The following RRP12 variants were observed in gnomAD, a reference collection of about 807,000 sequenced individuals.
RRP12 encodes the protein RRP12-like protein.
Under a neutral mutation model 157.3 loss-of-function variants are expected in RRP12, and 78 were observed. That is an observed-to-expected ratio of 0.50 (90% confidence interval 0.41 to 0.60). The LOEUF is 0.60. RRP12 is among the 20% of genes least tolerant of loss of function. The pLI is 0.00. For missense variants in RRP12, 1,521 were observed against 1,679.9 expected (o/e 0.91, Z 1.65); for synonymous variants, 726 against 670.9 (o/e 1.08, Z -1.27).
At chr10:97,387,303 C>T (rs1345524543) in intron 8 of RRP12, among the ~76,000 whole-genome samples, 8 of 149,618 alleles carry the variant, frequency 5.3e-5, no homozygotes, top group African/African-American at 2.0e-4. Flanking sequence ...TGAATATTTT[C>T]TTTTCTTTTT....
chr10:97,398,006 C>T (rs11817711), intron 2 of RRP12, among the ~76,000 whole-genome samples: 6,169 of 45,626 alleles, frequency 0.14, 218 homozygotes, highest in Middle Eastern at 0.17. Context: ...TATATATATA[C>T]ATATATATAT....
intron 6 of RRP12, 67 bp downstream of exon 6, chr10:97,390,356 C>T: frequency 8.0e-7 from 1 of 1,243,986 alleles, no homozygotes; most frequent in Admixed American, 1.7e-5. Flanking sequence ...CTAGCCAAGT[C>T]TGGGCTGCAC....
chr10:97,384,369 C>G (rs571255380), intron 10 of RRP12, among the ~76,000 whole-genome samples: 244 of 135,364 alleles, frequency 1.8e-3, no homozygotes, highest in African/African-American at 6.5e-3. Flanking sequence ...GAGGACCCCC[C>G]ACCTTGGCAG....
At chr10:97,366,704 G>C (rs759419398) in intron 27 of RRP12, 38 bp downstream of exon 27, 1 of 1,603,312 alleles carries the variant, frequency 6.2e-7, no homozygotes, top group Non-Finnish European at 8.5e-7. Flanking sequence ...CCTTGGGTTG[G>C]GGGGACACCG....
At chr10:97,378,870 T>A (rs914197179) in intron 15 of RRP12, among the ~76,000 whole-genome samples, 1 of 129,626 alleles carries the variant, frequency 7.7e-6, no homozygotes, top group Admixed American at 7.6e-5. Flanking sequence ...AAAATAATAA[T>A]AATAAAATAA....
chr10:97,393,802 C>A, intron 3 of RRP12, 42 bp from the exon 4 acceptor site: 1 of 1,530,662 alleles, frequency 6.5e-7, no homozygotes, highest in Non-Finnish European at 9.0e-7. Flanking sequence ...TAAAAACTTA[C>A]ACTGAGCAAA....
At chr10:97,383,171 T>C (rs1163889539) in intron 10 of RRP12, among the ~76,000 whole-genome samples, 2 of 152,214 alleles carry the variant, frequency 1.3e-5, no homozygotes, top group Non-Finnish European at 2.9e-5. Flanking sequence ...AGTACGATGA[T>C]AAGCATCCCG....
chr10:97,384,081 G>T (rs1040420244), intron 10 of RRP12, among the ~76,000 whole-genome samples: 2 of 152,122 alleles, frequency 1.3e-5, no homozygotes, highest in African/African-American at 2.4e-5. Context: ...TCCACCTCCG[G>T]CAGCCAGGAC....
At chr10:97,366,296 T>A (rs939343513) in intron 28 of RRP12, 63 bp from the exon 29 acceptor site, 1 of 1,592,170 alleles carries the variant, frequency 6.3e-7, no homozygotes. Flanking sequence ...ACCCTCATCA[T>A]GACCAACAAG....
At chr10:97,357,894 G>A (rs933313897) in intron 33 of RRP12, among the ~76,000 whole-genome samples, 2 of 151,130 alleles carry the variant, frequency 1.3e-5, no homozygotes, top group Admixed American at 6.6e-5. Context: ...GGGAGGCAGA[G>A]CTTGCAGTAA....
chr10:97,366,764 G>GCTCCTCCTC lies in RRP12; in HGVS notation c.3184_3192dup (p.Glu1062_Glu1064dup), dbSNP rs28362479. ...CACCTGTCACCTTTGCCCTGGGCGGGCTCCTCCTCCTCCTCCTCCTCTTCT... is the reference window on the plus strand; with the variant it reads ...CACCTGTCACCTTTGCCCTGGGCGGGCTCCTCCTCCTCCTCCTCCTCCTCCTCCTCTTCT... On this transcript the variant is annotated inframe_insertion, in exon 27 of 34. Transcript: ENST00000370992. The GCTCCTCCTC allele has an allele frequency of 2.9e-5, 46 of 1,603,284 alleles. No individual in the cohort carries two copies. In the East Asian group the frequency reaches 5.8e-4, roughly 20 times the overall value.
At chr10:97,367,669 A>G (rs1258016669) in intron 25 of RRP12, among the ~76,000 whole-genome samples, 2 of 152,112 alleles carry the variant, frequency 1.3e-5, no homozygotes, top group African/African-American at 2.4e-5. Context: ...TTTGGGTTAC[A>G]TGTGCAGGTG....
chr10:97,367,279 A>G, intron 25 of RRP12, 147 bp from the exon 26 acceptor site: 1 of 661,648 alleles, frequency 1.5e-6, no homozygotes, highest in South Asian at 1.8e-5. Context: ...ACCCTGGCCC[A>G]GTCATGCTTC....
rs542657520 is a variant in RRP12, at chr10:97,372,739, G to A, written c.2246C>T (p.Thr749Ile). The change falls in exon 19 of 34, where the codon ACC becomes ATC. Residue 749 changes from threonine (T) to isoleucine (I), a missense_variant. Physicochemically the swap from Thr to Ile is moderately conservative, Grantham distance 89 (BLOSUM62 -1). Transcript: ENST00000370992. ...KVLDPASSDFTRLSVLDLVVA... is the reference protein window; with the variant it reads ...KVLDPASSDFIRLSVLDLVVA... ...TGGGAGGCCCTGAGCATGTTACCTG[G>A]TAAAGTCAGAGCTGGCAGGGTCGAG... The A allele has an allele frequency of 6.4e-6, 10 of 1,559,176 alleles. No individual in the cohort carries two copies. The African/African-American group carries it at 9.5e-5, about 15-fold the overall frequency.
chr10:97,379,818 G>A (rs1386839330), intron 13 of RRP12, 48 bp from the exon 14 acceptor site: 1 of 1,550,676 alleles, frequency 6.4e-7, no homozygotes, highest in Non-Finnish European at 8.7e-7. Context: ...TCGAAAGCAG[G>A]GACCCATGAC....
chr10:97,383,460 C>G (rs1394231202), intron 10 of RRP12, among the ~76,000 whole-genome samples: 1 of 152,180 alleles, frequency 6.6e-6, no homozygotes, highest in Admixed American at 6.5e-5. Context: ...CACAGATGAA[C>G]AGTGTTTGGC....
At chr10:97,357,835 T>A (rs905169738) in intron 33 of RRP12, among the ~76,000 whole-genome samples, 1 of 151,860 alleles carries the variant, frequency 6.6e-6, no homozygotes, top group Non-Finnish European at 1.5e-5. Flanking sequence ...GGCGGGTGCC[T>A]GTAGTCCCAG....
At chr10:97,367,202 GC>G in intron 25 of RRP12, 70 bp from the exon 26 acceptor site, 1 of 1,318,606 alleles carries the variant, frequency 7.6e-7, no homozygotes, top group Non-Finnish European at 1.1e-6. Flanking sequence ...CTGCTGTCCA[GC>G]CCAGGGACGC....
Position 97,360,704 on chromosome 10 carries a change from G to A in RRP12, c.3568-86C>T, listed in dbSNP as rs1843821801. On this transcript the variant is annotated intron_variant, in intron 30 of 33. Coordinates refer to ENST00000370992, the MANE Select transcript of RRP12 (RefSeq NM_015179.4). ...GCCAACAGTAACAGCAGAGTACCCT[G>A]CATCAAGCAGGAGAGGCCCTCTGCT... 3 of 993,300 alleles carry A rather than the reference G, an allele frequency of 3.0e-6. No individual in the cohort carries two copies. In the Admixed American group the frequency reaches 5.1e-5, roughly 17 times the overall value. The allele number at this position is 993,300 out of a possible 1,614,324, so 61.5% of individuals were successfully genotyped here. A position where few individuals can be genotyped will look rare whatever the true frequency, so the allele number is the denominator to read the frequency against.
Sources: gnomAD v4.1 joint callset for allele counts (sites outside exome capture counted in the v4.1 genomes callset) on GRCh38, gnomAD v4.1.1 for gene constraint, MANE v1.5 for transcripts, NCBI Gene and HGNC (gene_info 2026-07-23, HGNC 2026-07-21) for gene names.